XPC: variants seen among roughly 807,000 people sequenced by gnomAD.
XPC encodes DNA repair protein complementing XP-C cells.
In XPC, 76 loss-of-function variants were observed where a neutral mutation model predicts 95.8. The observed-to-expected ratio is 0.79, with a 90% confidence interval of 0.66 to 0.96. XPC has a LOEUF of 0.96. XPC is among the 40% of genes least tolerant of loss of function. The pLI is 0.00. For synonymous variants in XPC, 442 were observed against 442.1 expected (o/e 1.00, Z 0.00); for missense variants, 1,146 against 1,179.8 (o/e 0.97, Z 0.42).
chr3:14,163,140 G>A (rs561248135), intron 7 of XPC, among the ~76,000 whole-genome samples: 3 of 152,240 alleles, frequency 2.0e-5, no homozygotes, highest in East Asian at 1.9e-4. Flanking sequence ...TGGAATCCTC[G>A]TTCATTGCTG....
At chr3:14,156,896 A>C (rs1559374285) in intron 9 of XPC, among the ~76,000 whole-genome samples, 1 of 152,228 alleles carries the variant, frequency 6.6e-6, no homozygotes, top group Non-Finnish European at 1.5e-5. Flanking sequence ...CAGGAAACTG[A>C]GAGCAGCGGT....
At chr3:14,168,784 A>G (rs746805764) in intron 3 of XPC, among the ~76,000 whole-genome samples, 1 of 152,192 alleles carries the variant, frequency 6.6e-6, no homozygotes, top group Non-Finnish European at 1.5e-5. Context: ...AATAACAATT[A>G]GCACAATTTG....
intron 14 of XPC, 88 bp from the exon 15 acceptor site, chr3:14,147,467 A>G: frequency 8.1e-7 from 1 of 1,240,014 alleles, no homozygotes; most frequent in Non-Finnish European, 1.1e-6. Context: ...ATGTAAAGAC[A>G]GATATATACA....
At chr3:14,149,011 G>C (rs1353724781) in intron 11 of XPC, 63 bp from the exon 12 acceptor site, 2 of 1,600,892 alleles carry the variant, frequency 1.2e-6, no homozygotes, top group South Asian at 1.1e-5. Context: ...CACCGGGCCA[G>C]GCACCATGCT....
rs768821703 is a variant in XPC, at chr3:14,148,549, GC to G, written c.2420+12del. 335 of 1,613,152 alleles carry G rather than the reference GC, an allele frequency of 2.1e-4. No homozygotes were observed. Among genetic ancestry groups the G allele is most frequent in the Middle Eastern group, 6.9e-4 (4 of 5,788 alleles). On this transcript the variant is annotated intron_variant, in intron 13 of 15. Transcript: ENST00000285021. ...TCCCTGTGTTTAGCCTCCATCGAAG[GC>G]CCCTCACGCACACGGGATGGGAGTA... is the stretch of plus-strand genomic sequence containing the variant.
chr3:14,152,306 C>A (rs1359689496), intron 11 of XPC, 29 bp downstream of exon 11: 5 of 1,600,834 alleles, frequency 3.1e-6, no homozygotes, highest in Admixed American at 3.4e-5. Context: ...TGTCACCACT[C>A]CCCACAGGGA....
At position 14,159,740 on chromosome 3, in the gene XPC, C is replaced by G; in HGVS notation, c.990+1G>C. 6.4e-7 allele frequency: 1 copy of G among 1,559,964 alleles called. No homozygotes were observed. The highest frequency in any genetic ancestry group is 8.7e-7 in the Non-Finnish European group (1 of 1,151,522). ...TTCTCTGGCAGCCCTGCGCACCTCA[C>G]CTTTGCTGTTGCTGACTTCAGAGGA... On this transcript the variant is annotated splice_donor_variant, in intron 8 of 15. Coordinates refer to ENST00000285021, the MANE Select transcript of XPC (RefSeq NM_004628.5). LOFTEE classifies it high-confidence loss of function.
intron 1 of XPC, among the ~76,000 whole-genome samples, chr3:14,177,531 A>G (rs1402124784): frequency 1.3e-5 from 2 of 152,092 alleles, no homozygotes; most frequent in African/African-American, 4.8e-5. Flanking sequence ...ATATTTGAGG[A>G]AGAGAAAGGA....
chr3:14,174,685 T>C (rs899128550), intron 1 of XPC, among the ~76,000 whole-genome samples: 4 of 152,186 alleles, frequency 2.6e-5, no homozygotes, highest in African/African-American at 7.2e-5. Flanking sequence ...CAAAATATAA[T>C]TGAGTCATCC....
rs1391750874 is a variant in XPC at position 14,146,097 on chromosome 3, C to A, written c.2667G>T (p.Gly889=). The A allele has an allele frequency of 6.2e-7, 1 of 1,612,176 alleles. No homozygotes were observed. Among genetic ancestry groups the A allele is most frequent in the Admixed American group, 1.7e-5 (1 of 59,952 alleles). The change falls in exon 16 of 16, where the codon GGG becomes GGT. Residue 889 remains glycine, a synonymous_variant. Transcript: ENST00000285021. ...GGGLSSDEEE[G]TSSQAEAARI... ...TGGCCGCTTCTGCTTGAGAGCTGGT[C>A]CCCTCCTCTTCATCAGAAGAGAGTC...
At chr3:14,157,787 C>T (rs1402436113) in intron 9 of XPC, among the ~76,000 whole-genome samples, 8 of 152,308 alleles carry the variant, frequency 5.3e-5, no homozygotes, top group East Asian at 1.9e-4. Flanking sequence ...CAAAGCCACA[C>T]AGACCTGGGC....
Position 14,173,051 on chromosome 3 carries a change from C to T in XPC, c.115G>A (p.Asp39Asn). 6.3e-7 allele frequency: 1 copy of T among 1,583,440 alleles called. No individual in the cohort carries two copies. Among genetic ancestry groups the T allele is most frequent in the Non-Finnish European group, 8.6e-7 (1 of 1,165,400 alleles). The change falls in exon 2 of 16, where the codon GAT becomes AAT. Residue 39 changes from aspartate to asparagine, a missense_variant. By Grantham distance (23) the Asp-to-Asn change is conservative. Coordinates refer to ENST00000285021, the MANE Select transcript of XPC (RefSeq NM_004628.5). ...REEEEEDAFE[D>N]EKPPKKSLLS... ...AGGCTCTTCTTTGGGGGTTTCTCAT[C>T]TTCAAAGGCATCTAGGTGACAACAC...
intron 9 of XPC, 35 bp downstream of exon 9, chr3:14,157,976 C>T: frequency 6.4e-7 from 1 of 1,560,276 alleles, no homozygotes; most frequent in Non-Finnish European, 8.7e-7. Context: ...AATAACCTGA[C>T]TGTGTCTTGG....
chr3:14,168,436 T>C, intron 3 of XPC, 56 bp from the exon 4 acceptor site: 1 of 1,596,800 alleles, frequency 6.3e-7, no homozygotes, highest in Middle Eastern at 1.7e-4. Flanking sequence ...TAATAGCTAC[T>C]GTACTGAACA....
At chr3:14,161,960 G>A (rs1421281416) in intron 7 of XPC, among the ~76,000 whole-genome samples, 3 of 151,974 alleles carry the variant, frequency 2.0e-5, no homozygotes, top group Non-Finnish European at 4.4e-5. Context: ...CAAAGCTGCA[G>A]GGTACAAGAC....
chr3:14,167,604 T>G (rs1456199027), intron 4 of XPC, among the ~76,000 whole-genome samples: 1 of 152,230 alleles, frequency 6.6e-6, no homozygotes, highest in Admixed American at 6.5e-5. Flanking sequence ...ATTACCTTTA[T>G]TAATGTTAAA....
intron 7 of XPC, 62 bp from the exon 8 acceptor site, chr3:14,159,892 ATGT>A (rs1696100562): frequency 6.8e-7 from 1 of 1,477,488 alleles, no homozygotes; most frequent in East Asian, 2.5e-5. Context: ...AATGAGTTCA[ATGT>A]TGTTTGTTAT....
At chr3:14,174,695 C>A (rs1696743869) in intron 1 of XPC, among the ~76,000 whole-genome samples, 1 of 152,114 alleles carries the variant, frequency 6.6e-6, no homozygotes, top group Admixed American at 6.5e-5. Flanking sequence ...TTGAGTCATC[C>A]TTTAAGATAA....
At chr3:14,165,775 T>C in intron 5 of XPC, 190 bp from the exon 6 acceptor site, 1 of 590,142 alleles carries the variant, frequency 1.7e-6, no homozygotes. Context: ...TCTCTCTGTA[T>C]ACTCATTCCT....
Sources: allele counts gnomAD v4.1 joint callset (sites outside exome capture counted in the v4.1 genomes callset), GRCh38; gene constraint gnomAD v4.1.1; transcripts MANE v1.5; gene names NCBI Gene and HGNC (gene_info 2026-07-23, HGNC 2026-07-21).